The following MRTFB variants were observed in gnomAD, a reference collection of about 807,000 sequenced individuals.
The protein encoded by MRTFB is myocardin related transcription factor B.
Under a neutral mutation model 104.2 loss-of-function variants are expected in MRTFB, and 29 were observed. That is an observed-to-expected ratio of 0.28 (90% CI 0.21 to 0.38). The LOEUF is 0.38. Among genes scored for constraint, MRTFB ranks in the 10% least tolerant of loss-of-function variants. The probability of loss-of-function intolerance (pLI) is 1.00; values close to 1 mark genes in which losing one functional copy is unlikely to be tolerated. For synonymous variants in MRTFB, 535 were observed against 519.5 expected, an observed-to-expected ratio of 1.03 and a Z score of -0.41; for missense variants, 1,270 against 1,341.6, an observed-to-expected ratio of 0.95 and a Z score of 0.83.
the MRTFB span, among the ~76,000 whole-genome samples, chr16:14,007,143 C>T: frequency 4.6e-5 from 7 of 152,188 alleles, no homozygotes; most frequent in Non-Finnish European, 8.8e-5. Flanking sequence ...ACTGCCATCA[C>T]TACAATCAAT....
chr16:14,064,842 C>T, the MRTFB span, among the ~76,000 whole-genome samples: 4,061 of 152,206 alleles, frequency 0.027, 72 homozygotes, highest in Middle Eastern at 0.088. Flanking sequence ...ACCAGAACCA[C>T]GCTGTTTTGG....
At chr16:14,156,058 T>C (rs1567395736) in intron 3 of MRTFB, among the ~76,000 whole-genome samples, 1 of 152,196 alleles carries the variant, frequency 6.6e-6, no homozygotes, top group East Asian at 1.9e-4. Flanking sequence ...GTCTAGAAAT[T>C]GCCTCCAGGC....
intron 2 of MRTFB, among the ~76,000 whole-genome samples, chr16:14,128,335 C>T (rs1354945738): frequency 1.3e-5 from 2 of 152,070 alleles, no homozygotes; most frequent in East Asian, 3.8e-4. Context: ...TAACACAGGC[C>T]CAGTTGAAGG....
chr16:14,041,533 T>G, the MRTFB span, among the ~76,000 whole-genome samples: 1 of 152,258 alleles, frequency 6.6e-6, no homozygotes, highest in African/African-American at 2.4e-5. Flanking sequence ...ATCATATGTA[T>G]CTACCACATT....
At chr16:13,997,631 C>CAA in the MRTFB span, among the ~76,000 whole-genome samples, 670 of 142,364 alleles carry the variant, frequency 4.7e-3, 5 homozygotes, top group African/African-American at 0.015. Context: ...CTATCTGTAC[C>CAA]AAAAAAAAAA....
At chr16:14,219,252 ATTTG>A (rs2041574588) in intron 8 of MRTFB, among the ~76,000 whole-genome samples, 2 of 152,158 alleles carry the variant, frequency 1.3e-5, no homozygotes, top group South Asian at 2.1e-4. Flanking sequence ...ATGGAACTGA[ATTTG>A]TTTGTTCAAC....
At chr16:14,050,922 C>G in the MRTFB span, among the ~76,000 whole-genome samples, 3 of 152,156 alleles carry the variant, frequency 2.0e-5, no homozygotes, top group Admixed American at 2.0e-4. Context: ...GAATTCCTGG[C>G]ACCTTACACT....
intron 1 of MRTFB, among the ~76,000 whole-genome samples, chr16:14,076,121 CT>C (rs753288199): frequency 8.7e-5 from 13 of 149,220 alleles, no homozygotes; most frequent in Non-Finnish European, 1.5e-4. Context: ...GAATATTTTC[CT>C]TGCTTTTTTT....
chr16:14,260,279 A>C (rs1468651095), intron 16 of MRTFB, among the ~76,000 whole-genome samples: 1 of 152,170 alleles, frequency 6.6e-6, no homozygotes, highest in Non-Finnish European at 1.5e-5. Context: ...AATGAAATCA[A>C]ATGTCATTGT....
the MRTFB span, among the ~76,000 whole-genome samples, chr16:14,036,283 A>ATT: frequency 1.3e-5 from 1 of 77,634 alleles, no homozygotes; most frequent in African/African-American, 4.2e-5. Flanking sequence ...ATTTATATGT[A>ATT]TTTTATATAT....
chr16:14,223,217 G>A lies in MRTFB; in HGVS notation c.693+4219G>A, dbSNP rs376491838. Among the ~76,000 whole-genome samples the A allele has an allele frequency of 3.1e-4, 47 of 152,098 alleles. No homozygotes were observed. The East Asian group carries it at 4.1e-3, about 13-fold the overall frequency. Reference sequence around the variant, plus strand: ...CCCAGCTGCTCAGGAGGCTGAGGTGGGAGGATCACCTGAGACAAGGGAGCA... The same window carrying A: ...CCCAGCTGCTCAGGAGGCTGAGGTGAGAGGATCACCTGAGACAAGGGAGCA... On this transcript the variant is annotated intron_variant, in intron 8 of 16. Transcript: ENST00000571589.
At chr16:14,200,758 A>T (rs2040661229) in intron 3 of MRTFB, 3 of 1,480,348 alleles carry the variant, frequency 2.0e-6, no homozygotes, top group Non-Finnish European at 2.8e-6. Context: ...TTGCCTGTCC[A>T]GTGCTGTGGG....
intron 3 of MRTFB, among the ~76,000 whole-genome samples, chr16:14,147,563 C>T (rs2038380519): frequency 6.6e-6 from 1 of 152,190 alleles, no homozygotes. Context: ...TGCTTCAGTG[C>T]ATTGCAGAGC....
At chr16:14,174,118 G>A (rs2039506662) in intron 3 of MRTFB, among the ~76,000 whole-genome samples, 1 of 151,190 alleles carries the variant, frequency 6.6e-6, no homozygotes, top group Admixed American at 6.6e-5. Flanking sequence ...TTGAGAAGAT[G>A]TATTCACTAT....
chr16:14,133,086 A>T (rs1396939045), intron 2 of MRTFB, among the ~76,000 whole-genome samples: 1 of 152,234 alleles, frequency 6.6e-6, no homozygotes, highest in East Asian at 1.9e-4. Context: ...TAAAATATAG[A>T]TGCATTCTGT....
Position 14,212,421 on chromosome 16 carries a change from C to T in MRTFB, c.276+12C>T. On this transcript the variant is annotated intron_variant, in intron 5 of 16. Transcript: ENST00000571589. ...TGGAACGAGCCAGAGTAAGACATTT[C>T]ACTTTAAAATGTTCTACTTCTCTCT... 6.2e-7 allele frequency: 1 copy of T among 1,612,412 alleles called. No homozygotes were observed. Among genetic ancestry groups the T allele is most frequent in the East Asian group, 2.2e-5 (1 of 44,850 alleles).
chr16:14,115,159 T>C (rs1403356797), intron 2 of MRTFB, among the ~76,000 whole-genome samples: 1 of 152,242 alleles, frequency 6.6e-6, no homozygotes. Flanking sequence ...AGCACCACGC[T>C]GACACTACTT....
chr16:14,221,729 G>A (rs2041717920), intron 8 of MRTFB, among the ~76,000 whole-genome samples: 2 of 150,848 alleles, frequency 1.3e-5, no homozygotes, highest in Admixed American at 1.3e-4. Context: ...ACCAGTCCTC[G>A]AATTGGCTGT....
chr16:14,166,217 CTTTTTTT>C (rs35113283), intron 3 of MRTFB, among the ~76,000 whole-genome samples: 8 of 112,542 alleles, frequency 7.1e-5, no homozygotes, highest in African/African-American at 2.1e-4. Context: ...GTTTTCTTTT[CTTTTTTT>C]TTTTTTTTTT....
Sources: allele counts gnomAD v4.1 joint callset (sites outside exome capture counted in the v4.1 genomes callset), GRCh38; gene constraint gnomAD v4.1.1; transcripts MANE v1.5; gene names NCBI Gene and HGNC (gene_info 2026-07-23, HGNC 2026-07-21).